SMURF1: variants seen among roughly 807,000 people sequenced by gnomAD.
SMURF1 encodes SMAD specific E3 ubiquitin protein ligase 1.
SMURF1 carries 44 observed loss-of-function variants against 98.0 expected under a neutral mutation model. That is an observed-to-expected ratio of 0.45 (90% confidence interval 0.35 to 0.58). The LOEUF (loss-of-function observed/expected upper bound fraction) is 0.58. Ranked by LOEUF, SMURF1 falls within the 20% of genes least tolerant of loss-of-function variation. The probability of loss-of-function intolerance (pLI) is 0.00; values close to 1 mark genes in which losing one functional copy is unlikely to be tolerated. For synonymous variants in SMURF1, 396 were observed against 374.9 expected (o/e 1.06, Z -0.65); for missense variants, 687 against 938.4 (o/e 0.73, Z 3.50).
At chr7:99,133,596 T>G (rs1380164737) in intron 1 of SMURF1, among the ~76,000 whole-genome samples, 2 of 152,184 alleles carry the variant, frequency 1.3e-5, no homozygotes, top group Non-Finnish European at 2.9e-5. Context: ...GGAAAAGCAT[T>G]TGGCAAGTTT....
At position 99,040,260 on chromosome 7, in the gene SMURF1, A is replaced by G. The variant is rs1223241436; in HGVS notation, c.1550+118T>C. The G allele has an allele frequency of 2.5e-5, 28 of 1,106,854 alleles. No individual in the cohort carries two copies. The South Asian group carries it at 3.4e-4, about 13-fold the overall frequency. 68.6% of individuals were successfully genotyped at this position (1,106,854 alleles called of 1,614,324 possible). A position where few individuals can be genotyped will look rare whatever the true frequency, so the allele number is the denominator to read the frequency against. On this transcript the variant is annotated intron_variant, in intron 13 of 17. Transcript: ENST00000361368. ...TTTTTTTGTTTCAGGTTATAATACA[A>G]TGGCTTCACACACATCCCCAAAATA... is the stretch of plus-strand genomic sequence containing the variant.
intron 11 of SMURF1, among the ~76,000 whole-genome samples, chr7:99,044,662 AAAT>A (rs1328867104): frequency 3.3e-5 from 5 of 152,254 alleles, no homozygotes; most frequent in Admixed American, 1.3e-4. Flanking sequence ...TACATCAAAA[AAAT>A]AAAGGTGAAA....
At chr7:99,132,467 A>G (rs1163661882) in intron 1 of SMURF1, among the ~76,000 whole-genome samples, 2 of 152,204 alleles carry the variant, frequency 1.3e-5, no homozygotes, top group Non-Finnish European at 2.9e-5. Context: ...TTGATTGGAC[A>G]TTGGTAGATG....
At chr7:99,057,157 TG>T in intron 5 of SMURF1, 47 bp downstream of exon 5, 1 of 1,602,888 alleles carries the variant, frequency 6.2e-7, no homozygotes. Context: ...AAGGGTTGAA[TG>T]TAAGTTCTGG....
intron 1 of SMURF1, among the ~76,000 whole-genome samples, chr7:99,125,044 A>G (rs1016193950): frequency 2.8e-4 from 41 of 145,952 alleles, no homozygotes; most frequent in African/African-American, 1.0e-3. Context: ...CATAGTAGTT[A>G]TTCAATAAAA....
At chr7:99,082,908 C>T (rs955798196) in intron 1 of SMURF1, among the ~76,000 whole-genome samples, 2 of 152,238 alleles carry the variant, frequency 1.3e-5, no homozygotes, top group African/African-American at 4.8e-5. Context: ...TTTCTTTCCA[C>T]GATATTTTAG....
chr7:99,063,281 A>ATATATATATAAGATT (rs1796105064), intron 1 of SMURF1, among the ~76,000 whole-genome samples: 1 of 18,766 alleles, frequency 5.3e-5, no homozygotes, highest in Non-Finnish European at 1.5e-4. Context: ...ATATATATAT[A>ATATATATATAAGATT]TATATATATA....
intron 12 of SMURF1, 137 bp from the exon 13 acceptor site, chr7:99,040,693 G>T: frequency 1.4e-6 from 1 of 737,076 alleles, no homozygotes; most frequent in Non-Finnish European, 1.9e-6. Flanking sequence ...CACAGGCCCC[G>T]CTCCTGAACA....
At chr7:99,118,512 C>T (rs1240489352) in intron 1 of SMURF1, among the ~76,000 whole-genome samples, 1 of 152,116 alleles carries the variant, frequency 6.6e-6, no homozygotes, top group East Asian at 1.9e-4. Flanking sequence ...ACCTTGAAAA[C>T]GTTATGCCAA....
chr7:99,069,540 T>C (rs1796273634), intron 1 of SMURF1, among the ~76,000 whole-genome samples: 1 of 152,146 alleles, frequency 6.6e-6, no homozygotes, highest in Non-Finnish European at 1.5e-5. Context: ...TTCAATTTCT[T>C]GTAGGGACAA....
chr7:99,113,314 TA>T (rs1176946181), intron 1 of SMURF1, among the ~76,000 whole-genome samples: 1 of 152,078 alleles, frequency 6.6e-6, no homozygotes, highest in African/African-American at 2.4e-5. Flanking sequence ...GCATCCTCAA[TA>T]AAAGTCACAT....
At chr7:99,089,715 A>G in intron 1 of SMURF1, among the ~76,000 whole-genome samples, 1 of 152,218 alleles carries the variant, frequency 6.6e-6, no homozygotes, top group East Asian at 1.9e-4. Context: ...AGCCTTTCAC[A>G]ATGTTACACC....
chr7:99,074,674 A>T (rs749284551), intron 1 of SMURF1, among the ~76,000 whole-genome samples: 1 of 152,018 alleles, frequency 6.6e-6, no homozygotes, highest in Non-Finnish European at 1.5e-5. Flanking sequence ...CCAACAAAAG[A>T]CCTGCATCTA....
intron 1 of SMURF1, among the ~76,000 whole-genome samples, chr7:99,063,914 T>G (rs1304667322): frequency 6.6e-6 from 1 of 151,902 alleles, no homozygotes; most frequent in Non-Finnish European, 1.5e-5. Flanking sequence ...GTAGCTAGGA[T>G]TACAGGCACA....
Position 99,038,480 on chromosome 7 carries a change from T to C in SMURF1, c.1596A>G (p.Glu532=). 1 of 1,614,228 alleles carries C rather than the reference T, an allele frequency of 6.2e-7. No individual in the cohort carries two copies. Among genetic ancestry groups the C allele is most frequent in the Non-Finnish European group, 8.5e-7 (1 of 1,180,038 alleles). The change falls in exon 14 of 18, where the codon GAA becomes GAG. Residue 532 remains glutamate, a synonymous_variant. Transcript: ENST00000361368. ...TPVLDHTFCV[E]HNAFGRILQH... Reference sequence around the variant, plus strand: ...GCAGGATCCGCCCGAAGGCGTTGTGTTCCACGCAGAAGGTGTGGTCCAGTA... The same window carrying C: ...GCAGGATCCGCCCGAAGGCGTTGTGCTCCACGCAGAAGGTGTGGTCCAGTA...
chr7:99,051,123 T>C (rs1795743665), intron 8 of SMURF1: 12 of 879,004 alleles, frequency 1.4e-5, no homozygotes, highest in Non-Finnish European at 2.0e-5. Context: ...TGTAACCAAC[T>C]TCAACAATGA....
chr7:99,107,556 C>T (rs1299585084), intron 1 of SMURF1, among the ~76,000 whole-genome samples: 3 of 152,184 alleles, frequency 2.0e-5, no homozygotes, highest in Admixed American at 6.5e-5. Context: ...AGAAATCGCT[C>T]GGACCTAACA....
At chr7:99,076,862 T>TGTGC (rs1796473638) in intron 1 of SMURF1, among the ~76,000 whole-genome samples, 1 of 151,820 alleles carries the variant, frequency 6.6e-6, no homozygotes. Flanking sequence ...CGTGCATGTG[T>TGTGC]GTGCGTGTGC....
intron 1 of SMURF1, among the ~76,000 whole-genome samples, chr7:99,118,975 C>A (rs9640660): frequency 7.1e-6 from 1 of 141,426 alleles, no homozygotes; most frequent in African/African-American, 2.7e-5. Context: ...ATCGTCCCAT[C>A]TCAGCCTCCT....
Sources: gnomAD v4.1 joint callset for allele counts (sites outside exome capture counted in the v4.1 genomes callset) on GRCh38, gnomAD v4.1.1 for gene constraint, MANE v1.5 for transcripts, NCBI Gene and HGNC (gene_info 2026-07-23, HGNC 2026-07-21) for gene names.